The following NTM variants were observed in gnomAD, a reference collection of about 807,000 sequenced individuals.
NTM encodes the protein IgLON family member 2.
Under a neutral mutation model 42.1 loss-of-function variants are expected in NTM, and 13 were observed. That is an observed-to-expected ratio of 0.31 (90% CI 0.20 to 0.49). The LOEUF is 0.49. Ranked by LOEUF, NTM falls within the 20% of genes least tolerant of loss-of-function variation. NTM has a pLI of 0.99. For missense variants in NTM, 373 were observed against 452.8 expected (o/e 0.82, Z 1.60); for synonymous variants, 187 against 179.2 (o/e 1.04, Z -0.35).
intron 1 of NTM, among the ~76,000 whole-genome samples, chr11:131,745,729 A>T (rs183650042): frequency 6.6e-6 from 1 of 152,340 alleles, no homozygotes; most frequent in Non-Finnish European, 1.5e-5. Context: ...GGTGAGAAAA[A>T]AAAATGAGAC....
intron 1 of NTM, among the ~76,000 whole-genome samples, chr11:131,523,782 C>CAAAAAAAAA (rs3040114): frequency 2.2e-4 from 16 of 72,070 alleles, no homozygotes; most frequent in East Asian, 9.3e-4. Context: ...GACTCCATCT[C>CAAAAAAAAA]AAAAAAAAAA....
intron 1 of NTM, among the ~76,000 whole-genome samples, chr11:131,667,861 G>A (rs1040468297): frequency 1.3e-5 from 2 of 152,188 alleles, no homozygotes; most frequent in Admixed American, 1.3e-4. Context: ...TGTGCTACCA[G>A]GATTGGGACC....
chr11:131,895,906 C>T (rs1436589037), intron 1 of NTM, among the ~76,000 whole-genome samples: 2 of 152,118 alleles, frequency 1.3e-5, no homozygotes, highest in African/African-American at 4.8e-5. Context: ...TTGTGATATG[C>T]AGGGCAACTT....
At chr11:131,735,703 T>C (rs531124858) in intron 1 of NTM, among the ~76,000 whole-genome samples, 1 of 152,294 alleles carries the variant, frequency 6.6e-6, no homozygotes, top group African/African-American at 2.4e-5. Context: ...GGTGCTTCCA[T>C]GCCCCTTAGC....
At chr11:131,554,636 C>G (rs1225234366) in intron 1 of NTM, among the ~76,000 whole-genome samples, 1 of 151,764 alleles carries the variant, frequency 6.6e-6, no homozygotes, top group East Asian at 1.9e-4. Flanking sequence ...TTCTTCATTG[C>G]TGTTGACTGC....
chr11:131,810,765 G>A (rs965902289), intron 1 of NTM, among the ~76,000 whole-genome samples: 1 of 152,282 alleles, frequency 6.6e-6, no homozygotes, highest in African/African-American at 2.4e-5. Context: ...AAGGGCAAAA[G>A]GACTTTTAGA....
At chr11:131,504,683 C>T (rs1008839512) in intron 1 of NTM, among the ~76,000 whole-genome samples, 7 of 152,184 alleles carry the variant, frequency 4.6e-5, no homozygotes, top group East Asian at 1.9e-4. Flanking sequence ...TCCTGGCCTG[C>T]GTGCTCCATG....
At chr11:131,641,949 T>C (rs2065191287) in intron 1 of NTM, among the ~76,000 whole-genome samples, 1 of 152,032 alleles carries the variant, frequency 6.6e-6, no homozygotes, top group Non-Finnish European at 1.5e-5. Context: ...ATGGTCTCGA[T>C]CTCCTGACCT....
At chr11:132,178,333 C>T (rs771090407) in intron 3 of NTM, among the ~76,000 whole-genome samples, 45 of 152,136 alleles carry the variant, frequency 3.0e-4, no homozygotes, top group Non-Finnish European at 5.9e-4. Context: ...ACAAGGCTTC[C>T]TTTTTACTCA....
At chr11:132,334,360 G>A (rs1018597441) in intron 8 of NTM, among the ~76,000 whole-genome samples, 2 of 152,194 alleles carry the variant, frequency 1.3e-5, no homozygotes, top group African/African-American at 4.8e-5. Context: ...GCACAGGAAG[G>A]CTTCCTGTTC....
chr11:131,423,795 C>G (rs1380525983), intron 1 of NTM, among the ~76,000 whole-genome samples: 4 of 152,184 alleles, frequency 2.6e-5, no homozygotes, highest in African/African-American at 9.7e-5. Flanking sequence ...CTCGTTCTGT[C>G]TGCATTGTCA....
chr11:131,674,078 TACAC>T (rs1229937492), intron 1 of NTM, among the ~76,000 whole-genome samples: 2 of 152,216 alleles, frequency 1.3e-5, no homozygotes, highest in South Asian at 4.1e-4. Context: ...GGAAAAAACA[TACAC>T]ACACAGCGTA....
chr11:131,683,871 C>A (rs1019942409), intron 1 of NTM, among the ~76,000 whole-genome samples: 1 of 152,164 alleles, frequency 6.6e-6, no homozygotes, highest in Non-Finnish European at 1.5e-5. Flanking sequence ...GTCTTCCCAG[C>A]CCTGGTGCGT....
At chr11:131,580,318 C>A (rs532041558) in intron 1 of NTM, among the ~76,000 whole-genome samples, 2 of 152,294 alleles carry the variant, frequency 1.3e-5, no homozygotes, top group South Asian at 4.1e-4. Flanking sequence ...TACTGTGGTT[C>A]TGAGATCTTT....
chr11:131,736,842 G>A (rs1401092046), intron 1 of NTM, among the ~76,000 whole-genome samples: 1 of 152,186 alleles, frequency 6.6e-6, no homozygotes, highest in Non-Finnish European at 1.5e-5. Context: ...AGCCTGGAAG[G>A]AGCTTCATTT....
intron 7 of NTM, among the ~76,000 whole-genome samples, chr11:132,316,382 C>T (rs2095430749): frequency 6.6e-6 from 1 of 152,180 alleles, no homozygotes; most frequent in Admixed American, 6.5e-5. Flanking sequence ...TTCCCATGCC[C>T]CCCACCCTAT....
chr11:131,603,811 C>T (rs1194482052), intron 1 of NTM, among the ~76,000 whole-genome samples: 1 of 152,174 alleles, frequency 6.6e-6, no homozygotes, highest in Non-Finnish European at 1.5e-5. Flanking sequence ...TTATTTCTTC[C>T]ACTTAGCATC....
chr11:131,824,231 G>A (rs1224649377), intron 1 of NTM, among the ~76,000 whole-genome samples: 1 of 152,162 alleles, frequency 6.6e-6, no homozygotes. Flanking sequence ...TTGGTGTAGG[G>A]GAGAATAATT....
intron 4 of NTM, among the ~76,000 whole-genome samples, chr11:132,237,063 C>T (rs1441687674): frequency 6.6e-6 from 1 of 152,174 alleles, no homozygotes; most frequent in Non-Finnish European, 1.5e-5. Flanking sequence ...ATGAGATCTG[C>T]TGGTTGAGCT....
Sources: allele counts gnomAD v4.1 joint callset (sites outside exome capture counted in the v4.1 genomes callset), GRCh38; gene constraint gnomAD v4.1.1; transcripts MANE v1.5; gene names NCBI Gene and HGNC (gene_info 2026-07-23, HGNC 2026-07-21).